BCKDHB: variants seen among roughly 807,000 people sequenced by gnomAD.
The protein encoded by BCKDHB is 2-oxoisovalerate dehydrogenase subunit beta, mitochondrial.
A neutral mutation model predicts 48.5 loss-of-function variants in BCKDHB; 41 were observed. The observed-to-expected ratio is 0.85, with a 90% CI of 0.66 to 1.10. The LOEUF (loss-of-function observed/expected upper bound fraction) is 1.10, where lower values mean the gene tolerates loss of function less well. BCKDHB is among the 50% of genes least tolerant of loss of function. The pLI, the probability that BCKDHB is intolerant of heterozygous loss-of-function variation, is 0.00. For synonymous variants in BCKDHB, 201 were observed against 174.8 expected, an observed-to-expected ratio of 1.15 and a Z score of -1.18; for missense variants, 496 against 494.2, an observed-to-expected ratio of 1.00 and a Z score of -0.03.
chr6:80,153,033 G>A (rs1771866273), intron 3 of BCKDHB, among the ~76,000 whole-genome samples: 2 of 152,192 alleles, frequency 1.3e-5, no homozygotes, highest in African/African-American at 4.8e-5. Flanking sequence ...TCCTTGACCT[G>A]TGTAGTCTGT....
the BCKDHB span, among the ~76,000 whole-genome samples, chr6:80,369,187 C>T: frequency 6.6e-6 from 1 of 152,136 alleles, no homozygotes; most frequent in African/African-American, 2.4e-5. Context: ...TCCAGTGCTT[C>T]CCACTCTGGG....
At chr6:80,243,261 C>T (rs1408586027) in intron 8 of BCKDHB, among the ~76,000 whole-genome samples, 1 of 152,140 alleles carries the variant, frequency 6.6e-6, no homozygotes, top group African/African-American at 2.4e-5. Flanking sequence ...CATTCTTCAG[C>T]ACCAGCACAA....
At chr6:80,234,712 A>G (rs1776074276) in intron 8 of BCKDHB, among the ~76,000 whole-genome samples, 1 of 152,114 alleles carries the variant, frequency 6.6e-6, no homozygotes, top group Non-Finnish European at 1.5e-5. Context: ...AAAGAAATCA[A>G]CTTATGGAAG....
chr6:80,413,347 T>C, the BCKDHB span, among the ~76,000 whole-genome samples: 2 of 152,176 alleles, frequency 1.3e-5, no homozygotes, highest in Non-Finnish European at 1.5e-5. Flanking sequence ...GTTTGTTATA[T>C]AGGTAAACTT....
At chr6:80,417,851 G>A in the BCKDHB span, among the ~76,000 whole-genome samples, 6 of 152,054 alleles carry the variant, frequency 3.9e-5, no homozygotes, top group Non-Finnish European at 7.4e-5. Flanking sequence ...GAGGTTCCCT[G>A]TATTTTCTGA....
intron 9 of BCKDHB, among the ~76,000 whole-genome samples, chr6:80,342,289 A>G (rs1769944330): frequency 6.6e-6 from 1 of 152,202 alleles, no homozygotes; most frequent in South Asian, 2.1e-4. Context: ...AATCCTTTAT[A>G]AAGCAAGGCA....
chr6:80,209,275 T>TA (rs1174599850), intron 8 of BCKDHB, among the ~76,000 whole-genome samples: 1 of 151,884 alleles, frequency 6.6e-6, no homozygotes, highest in Non-Finnish European at 1.5e-5. Context: ...AATTTCGTGA[T>TA]ACGTATGTCA....
intron 3 of BCKDHB, among the ~76,000 whole-genome samples, chr6:80,130,487 A>G (rs1253819274): frequency 6.6e-6 from 1 of 152,046 alleles, no homozygotes; most frequent in Admixed American, 6.6e-5. Context: ...TTTTCCATTT[A>G]TAGCAGGTTG....
At chr6:80,395,201 G>A in the BCKDHB span, among the ~76,000 whole-genome samples, 2 of 152,178 alleles carry the variant, frequency 1.3e-5, no homozygotes, top group Non-Finnish European at 2.9e-5. Context: ...TTTGGAACTG[G>A]ATAACAGAGC....
chr6:80,264,997 A>C (rs1408032674), intron 8 of BCKDHB, among the ~76,000 whole-genome samples: 1 of 152,062 alleles, frequency 6.6e-6, no homozygotes, highest in Non-Finnish European at 1.5e-5. Context: ...TACAAATCAC[A>C]ATCACAATGA....
At chr6:80,194,069 G>C (rs892726029) in intron 6 of BCKDHB, among the ~76,000 whole-genome samples, 1 of 152,108 alleles carries the variant, frequency 6.6e-6, no homozygotes, top group Non-Finnish European at 1.5e-5. Flanking sequence ...TCAATGTATA[G>C]TGTCTCTGTC....
At chr6:80,126,964 C>T (rs1229521365) in intron 1 of BCKDHB, among the ~76,000 whole-genome samples, 1 of 152,040 alleles carries the variant, frequency 6.6e-6, no homozygotes, top group Non-Finnish European at 1.5e-5. Context: ...CTAAAAAATC[C>T]ATTTAGGGAA....
At chr6:80,196,894 T>C (rs1427881809) in intron 6 of BCKDHB, among the ~76,000 whole-genome samples, 1 of 152,234 alleles carries the variant, frequency 6.6e-6, no homozygotes, top group East Asian at 1.9e-4. Flanking sequence ...TGTTTGATAT[T>C]TGCATTTTTA....
intron 8 of BCKDHB, among the ~76,000 whole-genome samples, chr6:80,212,453 C>A (rs1482823958): frequency 6.6e-6 from 1 of 152,096 alleles, no homozygotes; most frequent in Non-Finnish European, 1.5e-5. Flanking sequence ...TTTGCCCGAC[C>A]CCGCAGGTGG....
chr6:80,265,772 T>C (rs1344242133), intron 8 of BCKDHB, among the ~76,000 whole-genome samples: 2 of 152,066 alleles, frequency 1.3e-5, no homozygotes, highest in African/African-American at 4.8e-5. Context: ...AACAATATAA[T>C]AGGTATTAAC....
intron 9 of BCKDHB, among the ~76,000 whole-genome samples, chr6:80,274,580 G>T (rs1257843357): frequency 6.6e-6 from 1 of 151,944 alleles, no homozygotes; most frequent in Admixed American, 6.6e-5. Context: ...AGTGACTGTT[G>T]CTAATTGAAA....
At chr6:80,428,426 T>G in the BCKDHB span, among the ~76,000 whole-genome samples, 1 of 152,098 alleles carries the variant, frequency 6.6e-6, no homozygotes. Context: ...TTCTAGTTCT[T>G]GATCCTTGAG....
At chr6:80,127,467 G>T in intron 1 of BCKDHB, 80 bp from the exon 2 acceptor site, 1 of 1,118,394 alleles carries the variant, frequency 8.9e-7, no homozygotes, top group Non-Finnish European at 1.4e-6. Flanking sequence ...TTTTAGTCAA[G>T]TTGTAATTAA....
the BCKDHB span, among the ~76,000 whole-genome samples, chr6:80,408,635 T>C: frequency 6.6e-6 from 1 of 152,170 alleles, no homozygotes; most frequent in African/African-American, 2.4e-5. Flanking sequence ...TTTTCTAGGT[T>C]ATTTGCATAG....
Sources: allele counts gnomAD v4.1 joint callset (sites outside exome capture counted in the v4.1 genomes callset), GRCh38; gene constraint gnomAD v4.1.1; transcripts MANE v1.5; gene names NCBI Gene and HGNC (gene_info 2026-07-23, HGNC 2026-07-21).